Variants in MARK2 observed in about 807,000 individuals in gnomAD.
MARK2 encodes serine/threonine-protein kinase MARK2.
In MARK2, 16 loss-of-function variants were observed where a neutral mutation model predicts 89.8. That is an observed-to-expected ratio of 0.18 (90% confidence interval 0.12 to 0.27). MARK2 has a LOEUF of 0.27. Ranked by LOEUF, MARK2 falls within the 10% of genes least tolerant of loss-of-function variation. The pLI is 1.00. For synonymous variants in MARK2, 382 were observed against 399.5 expected, an observed-to-expected ratio of 0.96 and a Z score of 0.52; for missense variants, 621 against 1,049.9, an observed-to-expected ratio of 0.59 and a Z score of 5.65.
chr11:63,843,960 A>C (rs1463636687), intron 1 of MARK2, among the ~76,000 whole-genome samples: 1 of 152,136 alleles, frequency 6.6e-6, no homozygotes, highest in Non-Finnish European at 1.5e-5. Context: ...GCTGTGCAGC[A>C]GTGTGCCCTG....
intron 3 of MARK2, among the ~76,000 whole-genome samples, chr11:63,895,885 G>T (rs1166698284): frequency 6.6e-6 from 1 of 151,942 alleles, no homozygotes; most frequent in Non-Finnish European, 1.5e-5. Flanking sequence ...AGCCAGGCTG[G>T]TCTCGAACTC....
At chr11:63,898,541 A>G in intron 4 of MARK2, 67 bp from the exon 5 acceptor site, 1 of 1,237,640 alleles carries the variant, frequency 8.1e-7, no homozygotes, top group South Asian at 1.2e-5. Flanking sequence ...ATGCTCCTGG[A>G]CATGTTGGAG....
At chr11:63,906,150 TG>T in intron 17 of MARK2, 36 bp downstream of exon 17, 1 of 1,294,538 alleles carries the variant, frequency 7.7e-7, no homozygotes. Flanking sequence ...TGTGTGTGTG[TG>T]TGTGTCTGTG....
At position 63,909,996 on chromosome 11, in the gene MARK2, T is replaced by C. The variant is rs1480319952; in HGVS notation, c.*759T>C. 1 of 152,434 alleles carries C rather than the reference T, an allele frequency of 6.6e-6. No homozygotes were observed. Among genetic ancestry groups the C allele is most frequent in the Non-Finnish European group, 1.5e-5 (1 of 68,226 alleles). The allele number at this position is 152,434 out of a possible 1,614,324, so 9.4% of individuals were successfully genotyped here. On this transcript the variant is annotated 3_prime_UTR_variant, in exon 19 of 19. Transcript: ENST00000402010. ...CTGGGCATTTCCTTCCACAAGCTGC[T>C]GTGGGGACGTGTGTTCCCTCAAAGT... is the stretch of plus-strand genomic sequence containing the variant.
chr11:63,840,659 T>C (rs191110155), intron 1 of MARK2, among the ~76,000 whole-genome samples: 2 of 152,340 alleles, frequency 1.3e-5, no homozygotes, highest in Admixed American at 6.5e-5. Context: ...TCTTCCTTAC[T>C]GTGCCTTTTA....
rs368405618 is a variant in MARK2 at position 63,897,906 on chromosome 11, GCACA to G, written c.289-324_289-321del. ...AGCAGCTCGGATTCTGAATATTCACGCACACGGGCTCACACTCCCTCCAGTAGAG... is the reference window on the plus strand; with the variant it reads ...AGCAGCTCGGATTCTGAATATTCACGCGGGCTCACACTCCCTCCAGTAGAG... On this transcript the variant is annotated intron_variant, in intron 3 of 18. Coordinates refer to ENST00000402010, the MANE Select transcript of MARK2 (RefSeq NM_001039469.3). Among the ~76,000 whole-genome samples the G allele has an allele frequency of 2.1e-4, 32 of 152,222 alleles. No individual in the cohort carries two copies. The East Asian group carries it at 6.2e-3, about 29-fold the overall frequency.
At chr11:63,887,650 T>C (rs6591825) in intron 1 of MARK2, among the ~76,000 whole-genome samples, 74,241 of 152,022 alleles carry the variant, frequency 0.49, 20,207 homozygotes, top group East Asian at 0.89. Flanking sequence ...TAGCCTAGAA[T>C]AGGGGATGAA....
At position 63,903,314 on chromosome 11, in the gene MARK2, T is replaced by C. The variant is rs1243213911; in HGVS notation, c.1514+156T>C. ...TGTCCAGTCCAGCTTTCCCCTCCCC[T>C]ATTCCACGCCATTGCCTCCTCCCCA... On this transcript the variant is annotated intron_variant, in intron 14 of 18. Transcript: ENST00000402010. This position sits in a 1 kb window ranked among gnomAD's most constrained non-coding sequence, Gnocchi z 5.1. The C allele has an allele frequency of 4.7e-6, 3 of 635,664 alleles. No homozygotes were observed. The highest frequency in any genetic ancestry group is 8.4e-6 in the Non-Finnish European group (3 of 356,290). The allele number at this position is 635,664 out of a possible 1,614,324, so 39.4% of individuals were successfully genotyped here.
rs1264039662 is a variant in MARK2 at position 63,904,194 on chromosome 11, C to G, written c.1676+47C>G. On this transcript the variant is annotated intron_variant, in intron 15 of 18. Coordinates refer to ENST00000402010, the MANE Select transcript of MARK2 (RefSeq NM_001039469.3). This position sits in a 1 kb window ranked among gnomAD's most constrained non-coding sequence, Gnocchi z 6.3. Reference sequence around the variant, plus strand: ...GTGCACCTGCTGCCCTCAGCCCACCCTACCCCCTTGCCCCAACAATTTCTT... The same window carrying G: ...GTGCACCTGCTGCCCTCAGCCCACCGTACCCCCTTGCCCCAACAATTTCTT... The G allele has an allele frequency of 6.8e-7, 1 of 1,470,434 alleles. No individual in the cohort carries two copies. The highest frequency in any genetic ancestry group is 9.0e-7 in the Non-Finnish European group (1 of 1,109,170). The allele number at this position is 1,470,434 out of a possible 1,614,324, so 91.1% of individuals were successfully genotyped here. A position where few individuals can be genotyped will look rare whatever the true frequency, so the allele number is the denominator to read the frequency against.
chr11:63,888,765 G>A (rs966929889), intron 1 of MARK2: 9 of 1,228,734 alleles, frequency 7.3e-6, no homozygotes, highest in Non-Finnish European at 9.4e-6. Context: ...CGGCCTGGCT[G>A]CTTAGCTACT....
At chr11:63,890,564 G>C (rs1215204817) in intron 1 of MARK2, among the ~76,000 whole-genome samples, 1 of 152,218 alleles carries the variant, frequency 6.6e-6, no homozygotes, top group Non-Finnish European at 1.5e-5. Flanking sequence ...GCTAGCAACA[G>C]GTTGAGGGAG....
chr11:63,847,351 A>T (rs1033319680), intron 1 of MARK2, among the ~76,000 whole-genome samples: 2 of 152,194 alleles, frequency 1.3e-5, no homozygotes, highest in Non-Finnish European at 1.5e-5. Context: ...ATGGACACTG[A>T]TACTGGTGGC....
At chr11:63,896,843 G>A (rs1940447241) in intron 3 of MARK2, among the ~76,000 whole-genome samples, 1 of 152,116 alleles carries the variant, frequency 6.6e-6, no homozygotes, top group Non-Finnish European at 1.5e-5. Context: ...TAGGCCATTT[G>A]GCCTTGGGAG....
chr11:63,848,707 T>G (rs564759123), intron 1 of MARK2, among the ~76,000 whole-genome samples: 3 of 151,700 alleles, frequency 2.0e-5, no homozygotes, highest in African/African-American at 7.3e-5. Context: ...CCCACCACCA[T>G]GCCCAGCTAA....
rs936177600 is a variant in MARK2 at position 63,863,968 on chromosome 11, T to A, written c.54+24408T>A. Among the ~76,000 whole-genome samples, 6 of 152,036 alleles carry A rather than the reference T, an allele frequency of 3.9e-5. No individual in the cohort carries two copies. The East Asian group carries it at 5.8e-4, about 15-fold the overall frequency. On this transcript the variant is annotated intron_variant, in intron 1 of 18. Transcript: ENST00000402010. ...TTTATTTTTATTTATTTATTTATTTTTTTGAGACTGAGTCTCGCTTTGTCG... is the reference window on the plus strand; with the variant it reads ...TTTATTTTTATTTATTTATTTATTTATTTGAGACTGAGTCTCGCTTTGTCG...
Position 63,902,280 on chromosome 11 carries a change from T to C in MARK2, c.1184T>C (p.Val395Ala), listed in dbSNP as rs761752661. ...NSSAPSPSHKVQRSVSANPKQ... is the reference protein window; with the variant it reads ...NSSAPSPSHKAQRSVSANPKQ... ...AGCGCCCCATCCCCATCCCACAAGGTACAGCGCAGCGTGTCGGCCAATCCC... is the reference window on the plus strand; with the variant it reads ...AGCGCCCCATCCCCATCCCACAAGGCACAGCGCAGCGTGTCGGCCAATCCC... The change falls in exon 12 of 19, where the codon GTA becomes GCA. Residue 395 changes from valine (V) to alanine (A), a missense_variant. By Grantham distance (64) the Val-to-Ala change is moderately conservative. Coordinates refer to ENST00000402010, the MANE Select transcript of MARK2 (RefSeq NM_001039469.3). This position sits in a 1 kb window ranked among gnomAD's most constrained non-coding sequence, Gnocchi z 4.2. 1.2e-5 allele frequency: 20 copies of C among 1,614,072 alleles called. No individual in the cohort carries two copies. In the South Asian group the frequency reaches 2.2e-4, roughly 18 times the overall value.
Position 63,849,434 on chromosome 11 carries a change from A to G in MARK2, c.54+9874A>G, listed in dbSNP as rs1244331680. On this transcript the variant is annotated intron_variant, in intron 1 of 18. Coordinates refer to ENST00000402010, the MANE Select transcript of MARK2 (RefSeq NM_001039469.3). ...CTTTTTGAACACTTTTTGACTTCCA[A>G]TAAGTGGTTCCACTATGGTTAAGAG... Among the ~76,000 whole-genome samples the G allele has an allele frequency of 3.9e-5, 6 of 152,190 alleles. 1 individual carries two copies. The South Asian group carries it at 6.2e-4, about 16-fold the overall frequency.
At chr11:63,863,374 C>T (rs1400071997) in intron 1 of MARK2, among the ~76,000 whole-genome samples, 3 of 152,054 alleles carry the variant, frequency 2.0e-5, no homozygotes, top group Non-Finnish European at 1.5e-5. Flanking sequence ...GCTTGTCTAA[C>T]TTCGGCAAGG....
intron 1 of MARK2, chr11:63,888,750 C>T: frequency 1.7e-6 from 2 of 1,209,642 alleles, no homozygotes; most frequent in South Asian, 3.0e-5. Context: ...CAGGCAGGAA[C>T]CGCTCGGCCT....
Sources: gnomAD v4.1 joint callset for allele counts (sites outside exome capture counted in the v4.1 genomes callset) on GRCh38, gnomAD v4.1.1 for gene constraint, Gnocchi (gnomAD v3.1) non-coding constraint, MANE v1.5 for transcripts, NCBI Gene and HGNC (gene_info 2026-07-23, HGNC 2026-07-21) for gene names.